Variants in OPCML observed in about 807,000 individuals in gnomAD.
OPCML encodes opioid binding protein/cell adhesion molecule like.
OPCML carries 13 observed loss-of-function variants against 37.8 expected under a neutral mutation model. The observed-to-expected ratio is 0.34, with a 90% CI of 0.22 to 0.55. The LOEUF (loss-of-function observed/expected upper bound fraction) is 0.55, where lower values mean the gene tolerates loss of function less well. OPCML is among the 20% of genes least tolerant of loss of function. The pLI is 0.91. For missense variants in OPCML, 341 were observed against 435.6 expected (o/e 0.78, Z 1.93); for synonymous variants, 176 against 168.8 (o/e 1.04, Z -0.33).
intron 1 of OPCML, among the ~76,000 whole-genome samples, chr11:132,946,952 A>C (rs1945757417): frequency 6.6e-6 from 1 of 152,138 alleles, no homozygotes. Flanking sequence ...AAAGCTGAGA[A>C]CCTGAGGCCG....
intron 1 of OPCML, among the ~76,000 whole-genome samples, chr11:133,440,059 A>G (rs1946330421): frequency 1.3e-5 from 2 of 152,268 alleles, no homozygotes; most frequent in South Asian, 4.1e-4. Context: ...CTTTTTAGCC[A>G]GCTAGAAACA....
At chr11:133,244,109 C>G (rs1940830928) in intron 1 of OPCML, among the ~76,000 whole-genome samples, 1 of 152,208 alleles carries the variant, frequency 6.6e-6, no homozygotes, top group Non-Finnish European at 1.5e-5. Flanking sequence ...GAGGATGGGG[C>G]AGGTGCAATA....
At position 132,604,280 on chromosome 11, in the gene OPCML, G is replaced by A. The variant is rs1373103516; in HGVS notation, c.379+52807C>T. 2.1e-4 allele frequency among the ~76,000 whole-genome samples: 27 copies of A among 128,030 alleles called. 1 individual carries two copies. Among genetic ancestry groups the A allele is most frequent in the Admixed American group, 1.6e-4 (2 of 12,476 alleles). 84.0% of individuals were successfully genotyped at this position (128,030 alleles called of 152,430 possible). On this transcript the variant is annotated intron_variant, in intron 3 of 7. Coordinates refer to ENST00000524381, the MANE Select transcript of OPCML (RefSeq NM_001012393.5). ...CCCTTGCTTCTTTGTGTTTATTTTCGTAAAAAAAAAAATACAGGGAGGAGT... is the reference window on the plus strand; with the variant it reads ...CCCTTGCTTCTTTGTGTTTATTTTCATAAAAAAAAAAATACAGGGAGGAGT...
intron 1 of OPCML, among the ~76,000 whole-genome samples, chr11:133,518,684 G>A (rs1948338891): frequency 6.8e-6 from 1 of 147,278 alleles, no homozygotes; most frequent in Admixed American, 6.7e-5. Context: ...TGGTGTGTGT[G>A]GGGCTGTGGC....
At chr11:132,849,383 G>A (rs955145631) in intron 2 of OPCML, among the ~76,000 whole-genome samples, 2 of 152,184 alleles carry the variant, frequency 1.3e-5, no homozygotes, top group Non-Finnish European at 2.9e-5. Context: ...GTAGGCCCAG[G>A]CATTTTGGTA....
intron 1 of OPCML, among the ~76,000 whole-genome samples, chr11:133,476,137 G>A (rs1947232717): frequency 6.6e-6 from 1 of 152,150 alleles, no homozygotes; most frequent in Non-Finnish European, 1.5e-5. Flanking sequence ...GGCATGTCTG[G>A]AAAACACGTT....
At chr11:133,141,830 C>A (rs1440335762) in intron 1 of OPCML, among the ~76,000 whole-genome samples, 1 of 152,138 alleles carries the variant, frequency 6.6e-6, no homozygotes, top group Non-Finnish European at 1.5e-5. Flanking sequence ...ATATTTCCAC[C>A]TTCACTATCC....
At chr11:132,478,927 C>T (rs1359156655) in intron 4 of OPCML, among the ~76,000 whole-genome samples, 2 of 152,092 alleles carry the variant, frequency 1.3e-5, no homozygotes, top group Non-Finnish European at 2.9e-5. Context: ...TAAAGGACTA[C>T]TCATCAGCTG....
At chr11:133,463,440 TA>T (rs1162916458) in intron 1 of OPCML, among the ~76,000 whole-genome samples, 1 of 152,168 alleles carries the variant, frequency 6.6e-6, no homozygotes. Flanking sequence ...ATGGTTATTT[TA>T]AAAAGACAAT....
intron 2 of OPCML, among the ~76,000 whole-genome samples, chr11:132,829,483 C>T (rs192844161): frequency 4.7e-4 from 72 of 152,256 alleles, no homozygotes; most frequent in African/African-American, 1.4e-3. Context: ...AGACTGAAAA[C>T]GTACATACAG....
At chr11:132,610,640 T>C (rs1172098213) in intron 3 of OPCML, among the ~76,000 whole-genome samples, 1 of 152,146 alleles carries the variant, frequency 6.6e-6, no homozygotes, top group East Asian at 1.9e-4. Flanking sequence ...ATGGTCTTTG[T>C]CATTACTTGC....
At chr11:132,845,840 T>C (rs1463954667) in intron 2 of OPCML, among the ~76,000 whole-genome samples, 1 of 152,192 alleles carries the variant, frequency 6.6e-6, no homozygotes, top group Non-Finnish European at 1.5e-5. Flanking sequence ...AGTAATGATT[T>C]GAGGTTTATT....
intron 1 of OPCML, among the ~76,000 whole-genome samples, chr11:133,143,696 C>T (rs2060411605): frequency 6.6e-6 from 1 of 152,160 alleles, no homozygotes; most frequent in Admixed American, 6.5e-5. Flanking sequence ...ATGCCATTTT[C>T]CTTGTCGGGT....
At chr11:133,109,654 C>T (rs767013474) in intron 1 of OPCML, among the ~76,000 whole-genome samples, 7 of 152,170 alleles carry the variant, frequency 4.6e-5, no homozygotes, top group Non-Finnish European at 8.8e-5. Context: ...GTCCAGCTGG[C>T]TTCACCTTTC....
chr11:133,398,348 T>C (rs1435090117), intron 1 of OPCML, among the ~76,000 whole-genome samples: 1 of 152,210 alleles, frequency 6.6e-6, no homozygotes, highest in Non-Finnish European at 1.5e-5. Flanking sequence ...ATTTCCTGTC[T>C]GCTCAGGACA....
intron 1 of OPCML, among the ~76,000 whole-genome samples, chr11:133,259,389 C>A (rs973336150): frequency 6.6e-6 from 1 of 152,168 alleles, no homozygotes; most frequent in Non-Finnish European, 1.5e-5. Context: ...CTGAAGGCCA[C>A]AGTTTGTAAC....
At chr11:133,318,398 G>C (rs1322743456) in intron 1 of OPCML, among the ~76,000 whole-genome samples, 1 of 152,070 alleles carries the variant, frequency 6.6e-6, no homozygotes, top group Non-Finnish European at 1.5e-5. Flanking sequence ...TCCCCCAGAT[G>C]ACGTTTGGTC....
chr11:132,970,797 C>T (rs545182215), intron 1 of OPCML, among the ~76,000 whole-genome samples: 1 of 152,170 alleles, frequency 6.6e-6, no homozygotes, highest in African/African-American at 2.4e-5. Context: ...ATCTTACCTT[C>T]CTCTAGAAAA....
intron 2 of OPCML, among the ~76,000 whole-genome samples, chr11:132,739,397 C>G (rs537408572): frequency 6.6e-6 from 1 of 152,262 alleles, no homozygotes; most frequent in South Asian, 2.1e-4. Flanking sequence ...AGGCAATGAA[C>G]CTAAGTGGGT....
Sources: gnomAD v4.1 joint callset for allele counts (sites outside exome capture counted in the v4.1 genomes callset) on GRCh38, gnomAD v4.1.1 for gene constraint, MANE v1.5 for transcripts, NCBI Gene and HGNC (gene_info 2026-07-23, HGNC 2026-07-21) for gene names.